The following SLC22A9 variants were observed in gnomAD, a reference collection of about 807,000 sequenced individuals.
SLC22A9 encodes solute carrier family 22 member 9, also known as organic anion transporter 7.
Under a neutral mutation model 50.1 loss-of-function variants are expected in SLC22A9, and 64 were observed. That is an observed-to-expected ratio of 1.28 (90% confidence interval 1.04 to 1.57). The LOEUF is 1.57. Among genes scored for constraint, SLC22A9 ranks in the 40% most tolerant of loss-of-function variants. The pLI is 0.00. For synonymous variants in SLC22A9, 261 were observed against 242.5 expected (o/e 1.08, Z -0.71); for missense variants, 757 against 676.1 (o/e 1.12, Z -1.33).
At chr11:63,391,354 T>G (rs111722770) in intron 6 of SLC22A9, among the ~76,000 whole-genome samples, 5,453 of 152,164 alleles carry the variant, frequency 0.036, 324 homozygotes, top group African/African-American at 0.12. Context: ...CAATGCAGAT[T>G]AAGTCCAATG....
rs749888783 is a variant in SLC22A9 at position 63,406,540 on chromosome 11, C to T, written c.1117C>T (p.Gln373Ter). 2 of 1,613,764 alleles carry T rather than the reference C, an allele frequency of 1.2e-6. No individual in the cohort carries two copies. The highest frequency in any genetic ancestry group is 1.7e-6 in the Non-Finnish European group (2 of 1,179,784). ...MAYFGLNLHV[Q>*]HLGNNVFLLQ... ...CTATTTTGGCCTTAATCTCCATGTC[C>T]AGCATCTGGGGAACAATGTTTTCCT... is the stretch of plus-strand genomic sequence containing the variant. The change falls in exon 7 of 10, where the codon CAG becomes TAG. Residue 373 changes from glutamine (Q) to a stop codon, truncating the protein, a stop_gained. Coordinates refer to ENST00000279178, the MANE Select transcript of SLC22A9 (RefSeq NM_080866.3). LOFTEE classifies it high-confidence loss of function.
chr11:63,377,644 A>T (rs1028751707), intron 5 of SLC22A9, among the ~76,000 whole-genome samples: 1 of 152,130 alleles, frequency 6.6e-6, no homozygotes, highest in Non-Finnish European at 1.5e-5. Context: ...AACCTATTGG[A>T]ACTAGAAAAA....
chr11:63,375,396 A>T (rs374770507), intron 4 of SLC22A9, among the ~76,000 whole-genome samples: 1 of 152,164 alleles, frequency 6.6e-6, no homozygotes, highest in Admixed American at 6.6e-5. Flanking sequence ...GCTCCAAGGT[A>T]AATTTGCCAA....
At chr11:63,371,383 G>A (rs1019167642) in intron 2 of SLC22A9, 145 bp downstream of exon 2, 13 of 599,622 alleles carry the variant, frequency 2.2e-5, no homozygotes, top group African/African-American at 3.8e-5. Context: ...TTTAGTCCGT[G>A]TTTTGAGTGC....
chr11:63,405,434 A>C (rs922477895), intron 6 of SLC22A9, among the ~76,000 whole-genome samples: 1 of 152,210 alleles, frequency 6.6e-6, no homozygotes, highest in Non-Finnish European at 1.5e-5. Context: ...AAATTGTAGG[A>C]ATTCCCTCTA....
rs141950410 is a variant in SLC22A9 at position 63,403,761 on chromosome 11, G to A, written c.1074-2736G>A. Among the ~76,000 whole-genome samples the A allele has an allele frequency of 2.3e-3, 349 of 151,898 alleles. 2 individuals are homozygous for A. The highest frequency in any genetic ancestry group is 8.2e-3 in the African/African-American group (339 of 41,462). On this transcript the variant is annotated intron_variant, in intron 6 of 9. Coordinates refer to ENST00000279178, the MANE Select transcript of SLC22A9 (RefSeq NM_080866.3). ...AAGTGTTTTATGGAGGATTAAACAC[G>A]TAAAAAATGAAATAGCATCCTATAC...
chr11:63,370,045 T>A lies in SLC22A9; in HGVS notation c.-12T>A. ...ATTTTGCCTCTACTTGAGGATCAAC[T>A]GTTCAACCTCAATGGCCTTTCAGGA... On this transcript the variant is annotated 5_prime_UTR_variant, in exon 1 of 10. Transcript: ENST00000279178. 3 of 1,602,952 alleles carry A rather than the reference T, an allele frequency of 1.9e-6. No homozygotes were observed. Among genetic ancestry groups the A allele is most frequent in the Non-Finnish European group, 2.6e-6 (3 of 1,174,418 alleles).
In SLC22A9 at chr11:63,373,864, A is replaced by G. The variant is rs3737459; in HGVS notation, c.662-30A>G. On this transcript the variant is annotated intron_variant, in intron 3 of 9. Coordinates refer to ENST00000279178, the MANE Select transcript of SLC22A9 (RefSeq NM_080866.3). Reference sequence around the variant, plus strand: ...TTTGAAATTGAAACTCCACCTTTGAAGTCAAAGCCTTATCTGTTTTTTCTT... The same window carrying G: ...TTTGAAATTGAAACTCCACCTTTGAGGTCAAAGCCTTATCTGTTTTTTCTT... 2.7e-5 allele frequency: 43 copies of G among 1,608,214 alleles called. No individual in the cohort carries two copies. The South Asian group carries it at 3.2e-4, about 12-fold the overall frequency.
intron 8 of SLC22A9, 36 bp from the exon 9 acceptor site, chr11:63,408,640 T>A (rs2015081499): frequency 6.3e-7 from 1 of 1,578,066 alleles, no homozygotes; most frequent in East Asian, 2.3e-5. Flanking sequence ...TGTGGATTTT[T>A]AACAGATATT....
chr11:63,370,350 C>T lies in SLC22A9; in HGVS notation c.294C>T (p.Leu98=). 1 of 1,613,988 alleles carries T rather than the reference C, an allele frequency of 6.2e-7. No individual in the cohort carries two copies. ...CRRFVHPQWQ[L]LHLNGTFPNT... is the part of the protein sequence containing the mutation. ...GCTTTGTTCATCCTCAGTGGCAGCT[C>T]CTTCACCTGAATGGGACCTTCCCCA... Residue 98 remains leucine, a synonymous_variant, in exon 1 of 10, where the codon CTC becomes CTT. Coordinates refer to ENST00000279178, the MANE Select transcript of SLC22A9 (RefSeq NM_080866.3).
intron 6 of SLC22A9, among the ~76,000 whole-genome samples, chr11:63,385,169 AT>A (rs35081637): frequency 0.011 from 1,292 of 118,712 alleles, 9 homozygotes; most frequent in African/African-American, 0.023. Flanking sequence ...CCTATGGCCA[AT>A]TTTTTTTTTG....
intron 8 of SLC22A9, among the ~76,000 whole-genome samples, chr11:63,408,448 G>T (rs1397348482): frequency 6.6e-6 from 1 of 152,282 alleles, no homozygotes; most frequent in African/African-American, 2.4e-5. Flanking sequence ...CACCTGAGAG[G>T]TTGGTGCTAA....
At position 63,382,148 on chromosome 11, in the gene SLC22A9, T is replaced by A; in HGVS notation, c.955-11T>A. ...CAACTGTACAGTTTATTGTTTCTGC[T>A]ATTGTTGAAGATTTTGAAATCCACC... On this transcript the variant is annotated splice_polypyrimidine_tract_variant and intron_variant, in intron 5 of 9. Coordinates refer to ENST00000279178, the MANE Select transcript of SLC22A9 (RefSeq NM_080866.3). 6.3e-7 allele frequency: 1 copy of A among 1,596,770 alleles called. No individual in the cohort carries two copies. The highest frequency in any genetic ancestry group is 8.5e-7 in the Non-Finnish European group (1 of 1,170,198).
Position 63,392,507 on chromosome 11 carries a change from T to G in SLC22A9, c.1073+10230T>G, listed in dbSNP as rs542387812. Among the ~76,000 whole-genome samples the G allele has an allele frequency of 3.9e-4, 59 of 151,178 alleles. 1 individual carries two copies. The South Asian group carries it at 9.7e-3, about 25-fold the overall frequency. On this transcript the variant is annotated intron_variant, in intron 6 of 9. Transcript: ENST00000279178. ...GGATATACTACTCTGGGATAAAAGGTTTTTTTTTCCCCCTTCAGCTCTTAA... is the reference window on the plus strand; with the variant it reads ...GGATATACTACTCTGGGATAAAAGGGTTTTTTTTCCCCCTTCAGCTCTTAA...
intron 6 of SLC22A9, among the ~76,000 whole-genome samples, chr11:63,395,147 G>A (rs1281347778): frequency 6.6e-6 from 1 of 151,620 alleles, no homozygotes; most frequent in Non-Finnish European, 1.5e-5. Flanking sequence ...TTCACTTCTT[G>A]TATCATTTTT....
At chr11:63,380,890 G>A (rs978040850) in intron 5 of SLC22A9, among the ~76,000 whole-genome samples, 1 of 151,898 alleles carries the variant, frequency 6.6e-6, no homozygotes, top group African/African-American at 2.4e-5. Context: ...AAATAAAAGA[G>A]CATTGGAATC....
intron 6 of SLC22A9, among the ~76,000 whole-genome samples, chr11:63,383,127 G>A (rs1297636070): frequency 6.6e-6 from 1 of 152,170 alleles, no homozygotes; most frequent in Non-Finnish European, 1.5e-5. Context: ...AAGAAAATCT[G>A]TGACTGGTAC....
intron 6 of SLC22A9, among the ~76,000 whole-genome samples, chr11:63,391,568 C>T (rs1173469765): frequency 1.3e-5 from 2 of 151,960 alleles, no homozygotes; most frequent in African/African-American, 2.4e-5. Context: ...TAATTACCTT[C>T]TTTGTCTCTT....
At chr11:63,387,826 C>T (rs2014695537) in intron 6 of SLC22A9, among the ~76,000 whole-genome samples, 1 of 151,960 alleles carries the variant, frequency 6.6e-6, no homozygotes, top group African/African-American at 2.4e-5. Flanking sequence ...CAATTTCTTA[C>T]ATTAATGTTT....
Sources: gnomAD v4.1 joint callset for allele counts (sites outside exome capture counted in the v4.1 genomes callset) on GRCh38, gnomAD v4.1.1 for gene constraint, MANE v1.5 for transcripts, NCBI Gene and HGNC (gene_info 2026-07-23, HGNC 2026-07-21) for gene names.